The following TJP1 variants were observed in gnomAD, a reference collection of about 807,000 sequenced individuals.
TJP1 encodes the protein tight junction protein 1, also known as tight junction protein ZO-1.
In TJP1, 43 loss-of-function variants were observed where a neutral mutation model predicts 194.2. The ratio of observed to expected loss-of-function variants is 0.22; its 90% CI spans 0.17 to 0.29. TJP1 has a LOEUF of 0.29. Ranked by LOEUF, TJP1 falls within the 10% of genes least tolerant of loss-of-function variation. The pLI, the probability that TJP1 is intolerant of heterozygous loss-of-function variation, is 1.00. For missense variants in TJP1, 1,971 were observed against 2,185.7 expected, an observed-to-expected ratio of 0.90 and a Z score of 1.96; for synonymous variants, 801 against 779.0, an observed-to-expected ratio of 1.03 and a Z score of -0.47.
At position 29,761,802 on chromosome 15, in the gene TJP1, AAAT is replaced by A. The variant is rs546270053; in HGVS notation, c.694-36_694-34del. On this transcript the variant is annotated intron_variant, in intron 6 of 27. Transcript: ENST00000614355. ...AGAAAATAAATTACAGCTTGAAAGT[AAAT>A]AATAAAATACAAATGTTAACTTAGT... 1.5e-4 allele frequency: 222 copies of A among 1,480,696 alleles called. 1 individual carries two copies. In the African/African-American group the frequency reaches 2.9e-3, roughly 19 times the overall value. 91.7% of individuals were successfully genotyped at this position (1,480,696 alleles called of 1,614,324 possible).
intron 2 of TJP1, among the ~76,000 whole-genome samples, chr15:29,775,130 C>T (rs72719068): frequency 2.5e-3 from 378 of 152,276 alleles, no homozygotes; most frequent in Non-Finnish European, 4.1e-3. Flanking sequence ...GGGCTCCCCA[C>T]CCATTAGTTA....
chr15:29,847,292 C>T (rs572463614), intron 2 of TJP1, among the ~76,000 whole-genome samples: 24 of 151,976 alleles, frequency 1.6e-4, no homozygotes, highest in Admixed American at 1.2e-3. Context: ...TTTGTAGAGA[C>T]GAGTTTTGCA....
intron 2 of TJP1, among the ~76,000 whole-genome samples, chr15:29,949,086 C>G (rs1289756078): frequency 6.6e-6 from 1 of 150,444 alleles, no homozygotes; most frequent in Non-Finnish European, 1.5e-5. Context: ...ACAACCTACT[C>G]CTTCACCACC....
At chr15:29,866,053 A>T (rs547135264) in intron 2 of TJP1, among the ~76,000 whole-genome samples, 24 of 152,356 alleles carry the variant, frequency 1.6e-4, no homozygotes, top group Middle Eastern at 3.4e-3. Context: ...GGAAGAAAGG[A>T]AACATAGAGC....
intron 2 of TJP1, among the ~76,000 whole-genome samples, chr15:29,925,774 A>G (rs955257617): frequency 2.0e-5 from 3 of 152,226 alleles, no homozygotes; most frequent in African/African-American, 4.8e-5. Context: ...TTCACAGACC[A>G]TAAAATTCAA....
chr15:29,856,200 G>A (rs754081956), intron 2 of TJP1, among the ~76,000 whole-genome samples: 5 of 152,168 alleles, frequency 3.3e-5, no homozygotes, highest in Non-Finnish European at 7.3e-5. Flanking sequence ...GCTGAGGAGG[G>A]AGGATCACTT....
intron 2 of TJP1, among the ~76,000 whole-genome samples, chr15:29,840,671 G>C (rs982866736): frequency 6.6e-6 from 1 of 152,126 alleles, no homozygotes; most frequent in Admixed American, 6.5e-5. Flanking sequence ...GTGGCCAAAG[G>C]GGGTCTAGGT....
At chr15:29,853,088 A>G (rs1356131658) in intron 2 of TJP1, among the ~76,000 whole-genome samples, 1 of 152,234 alleles carries the variant, frequency 6.6e-6, no homozygotes, top group Non-Finnish European at 1.5e-5. Flanking sequence ...CTATTGATAC[A>G]TGCAACAACT....
At chr15:29,776,571 A>T (rs2047025761) in intron 2 of TJP1, among the ~76,000 whole-genome samples, 1 of 152,208 alleles carries the variant, frequency 6.6e-6, no homozygotes, top group South Asian at 2.1e-4. Context: ...TTGAAACCAT[A>T]TCATTCAACT....
intron 1 of TJP1, among the ~76,000 whole-genome samples, chr15:29,801,438 T>G (rs2048773891): frequency 6.6e-6 from 1 of 151,116 alleles, no homozygotes; most frequent in South Asian, 2.1e-4. Context: ...CATGAGCCTC[T>G]CAATAGAGAG....
At chr15:29,931,506 A>G (rs1258271006) in intron 2 of TJP1, among the ~76,000 whole-genome samples, 1 of 152,220 alleles carries the variant, frequency 6.6e-6, no homozygotes, top group African/African-American at 2.4e-5. Context: ...TAAAGTTATT[A>G]ATTTTCCCCA....
In TJP1 at chr15:29,719,090, C is replaced by T; in HGVS notation, c.3052G>A (p.Val1018Ile). 1 of 1,614,128 alleles carries T rather than the reference C, an allele frequency of 6.2e-7. No homozygotes were observed. Among genetic ancestry groups the T allele is most frequent in the Non-Finnish European group, 8.5e-7 (1 of 1,180,038 alleles). Reference sequence around the variant, plus strand: ...TGACTAACGGCTGGCTGTTTCAAAACATGGTTCTGCCTCATCATTTCCTCG... The same window carrying T: ...TGACTAACGGCTGGCTGTTTCAAAATATGGTTCTGCCTCATCATTTCCTCG... ...YPEEMMRQNHVLKQPAVSHPG... is the reference protein window; with the variant it reads ...YPEEMMRQNHILKQPAVSHPG... The change falls in exon 21 of 28, where the codon GTT (valine) becomes ATT (isoleucine). Residue 1018 changes from valine to isoleucine, a missense_variant. Coordinates refer to ENST00000614355, the MANE Select transcript of TJP1 (RefSeq NM_001330239.4).
chr15:29,732,373 C>G (rs893863488), intron 15 of TJP1, 60 bp downstream of exon 15: 3 of 1,339,888 alleles, frequency 2.2e-6, no homozygotes, highest in Non-Finnish European at 2.1e-6. Flanking sequence ...TGAATCAGAA[C>G]TCACTCACTT....
intron 2 of TJP1, among the ~76,000 whole-genome samples, chr15:29,844,174 G>A (rs1475559773): frequency 6.6e-6 from 1 of 152,124 alleles, no homozygotes; most frequent in African/African-American, 2.4e-5. Context: ...GGGTTGAAGC[G>A]CTTCTCCTGC....
chr15:29,884,933 C>T (rs932412867), intron 2 of TJP1, among the ~76,000 whole-genome samples: 1 of 152,144 alleles, frequency 6.6e-6, no homozygotes, highest in Non-Finnish European at 1.5e-5. Flanking sequence ...TATGGATGGA[C>T]AAGGGATAAA....
chr15:29,884,139 G>A (rs1415815510), intron 2 of TJP1, among the ~76,000 whole-genome samples: 3 of 152,156 alleles, frequency 2.0e-5, no homozygotes, highest in Non-Finnish European at 4.4e-5. Context: ...GTCATAATTT[G>A]TACTTGTTGC....
chr15:29,747,756 C>T (rs1372994770), intron 8 of TJP1, among the ~76,000 whole-genome samples: 1 of 152,140 alleles, frequency 6.6e-6, no homozygotes, highest in Non-Finnish European at 1.5e-5. Flanking sequence ...AACTCAAATG[C>T]TCTCCTCAAT....
At chr15:29,948,874 A>G (rs2055378513) in intron 2 of TJP1, among the ~76,000 whole-genome samples, 2 of 151,956 alleles carry the variant, frequency 1.3e-5, no homozygotes, top group Admixed American at 1.3e-4. Flanking sequence ...AGAAGAGAAG[A>G]AGGCTCAATC....
intron 2 of TJP1, among the ~76,000 whole-genome samples, chr15:29,898,617 G>A (rs2053547983): frequency 6.6e-6 from 1 of 152,066 alleles, no homozygotes; most frequent in Admixed American, 6.5e-5. Context: ...AATACAGGTG[G>A]AGCACCCCCA....
Sources: gnomAD v4.1 joint callset for allele counts (sites outside exome capture counted in the v4.1 genomes callset) on GRCh38, gnomAD v4.1.1 for gene constraint, MANE v1.5 for transcripts, NCBI Gene and HGNC (gene_info 2026-07-23, HGNC 2026-07-21) for gene names.